Variants in MRPL18 observed in about 807,000 individuals in gnomAD.
The protein encoded by MRPL18 is mitochondrial ribosomal protein L18, also known as large ribosomal subunit protein uL18m.
In MRPL18, 16 loss-of-function variants were observed where a neutral mutation model predicts 20.9. The ratio of observed to expected loss-of-function variants is 0.76; its 90% confidence interval spans 0.52 to 1.16. The LOEUF is 1.16. Among genes scored for constraint, MRPL18 ranks in the 50% most tolerant of loss-of-function variants. The pLI, the probability that MRPL18 is intolerant of heterozygous loss-of-function variation, is 0.00. For missense variants in MRPL18, 233 were observed against 230.6 expected, an observed-to-expected ratio of 1.01 and a Z score of -0.07; for synonymous variants, 91 against 87.1, an observed-to-expected ratio of 1.04 and a Z score of -0.25.
rs765254384 is a variant in MRPL18 at position 159,790,557 on chromosome 6, G to C, written c.-31G>C. 2 of 1,614,118 alleles carry C rather than the reference G, an allele frequency of 1.2e-6. No individual in the cohort carries two copies. Among genetic ancestry groups the C allele is most frequent in the Non-Finnish European group, 1.7e-6 (2 of 1,180,018 alleles). ...CGACTGAGTCGTCCGTGAGGAAAAA[G>C]AGGCGAGGCTTTTCCGAGATCGTCT... On this transcript the variant is annotated 5_prime_UTR_variant, in exon 1 of 4. Coordinates refer to ENST00000367034, the MANE Select transcript of MRPL18 (RefSeq NM_014161.5).
upstream of MRPL18, chr6:159,789,822 G>T: frequency 2.8e-6 from 1 of 356,612 alleles, no homozygotes. Flanking sequence ...GCTGGGAAGA[G>T]GTTGAACCTT....
At chr6:159,797,160 A>C in intron 2 of MRPL18, 127 bp from the exon 3 acceptor site, 3 of 882,092 alleles carry the variant, frequency 3.4e-6, no homozygotes, top group Non-Finnish European at 5.1e-6. Context: ...ATCCAAGTTA[A>C]ATATGTTGAA....
intron 2 of MRPL18, among the ~76,000 whole-genome samples, 196 bp downstream of exon 2, chr6:159,791,322 G>T (rs561384204): frequency 5.4e-4 from 83 of 152,312 alleles, no homozygotes; most frequent in African/African-American, 2.0e-3. Flanking sequence ...CAGGATACCT[G>T]CCTGTCTGAG....
upstream of MRPL18, among the ~76,000 whole-genome samples, chr6:159,790,307 C>A (rs2273827): frequency 0.69 from 105,164 of 151,902 alleles, 37,567 homozygotes; most frequent in South Asian, 0.79. Flanking sequence ...ACTTAAGCAA[C>A]AAGCGTGGTC....
At chr6:159,790,694 A>T in intron 1 of MRPL18, 55 bp downstream of exon 1, 2 of 1,601,760 alleles carry the variant, frequency 1.2e-6, no homozygotes, top group Non-Finnish European at 1.7e-6. Flanking sequence ...TGCACAGTAC[A>T]TTGGAACGTG....
At chr6:159,794,098 A>G (rs1472148276) in intron 2 of MRPL18, among the ~76,000 whole-genome samples, 2 of 152,254 alleles carry the variant, frequency 1.3e-5, no homozygotes, top group African/African-American at 2.4e-5. Flanking sequence ...CGTATGTTAT[A>G]AAATCCAAAG....
intron 2 of MRPL18, among the ~76,000 whole-genome samples, chr6:159,796,472 C>G (rs1781031751): frequency 6.7e-6 from 1 of 149,364 alleles, no homozygotes; most frequent in African/African-American, 2.5e-5. Context: ...AGAGGCAGAC[C>G]CTGTCTCAAA....
Position 159,793,835 on chromosome 6 carries a change from C to T in MRPL18, c.239+2709C>T, listed in dbSNP as rs377275249. Among the ~76,000 whole-genome samples, 51 of 152,018 alleles carry T rather than the reference C, an allele frequency of 3.4e-4. No homozygotes were observed. The East Asian group carries it at 7.9e-3, about 24-fold the overall frequency. On this transcript the variant is annotated intron_variant, in intron 2 of 3. Transcript: ENST00000367034. The stretch of plus-strand genomic sequence containing the variant: ...GCTGAGACAGGAGAGTGGCGTGAAC[C>T]TGGGAGGCGGAGCTTGCAGTGAGCC...
At chr6:159,790,874 G>C in intron 1 of MRPL18, 66 bp from the exon 2 acceptor site, 5 of 1,579,754 alleles carry the variant, frequency 3.2e-6, no homozygotes, top group South Asian at 1.1e-5. Flanking sequence ...ATAGACGTTA[G>C]AGCGGGTTCG....
intron 3 of MRPL18, 54 bp from the exon 4 acceptor site, chr6:159,797,998 C>T (rs1207683621): frequency 1.4e-6 from 2 of 1,417,814 alleles, no homozygotes; most frequent in African/African-American, 1.4e-5. Flanking sequence ...TATTTTCAGC[C>T]TACTCGTGCT....
At chr6:159,795,291 G>C (rs1390244511) in intron 2 of MRPL18, among the ~76,000 whole-genome samples, 3 of 152,192 alleles carry the variant, frequency 2.0e-5, no homozygotes, top group Non-Finnish European at 2.9e-5. Flanking sequence ...CGGGTGTCAG[G>C]CTGGGGGACG....
At chr6:159,794,580 T>C (rs924757404) in intron 2 of MRPL18, among the ~76,000 whole-genome samples, 7 of 152,234 alleles carry the variant, frequency 4.6e-5, no homozygotes, top group African/African-American at 1.7e-4. Flanking sequence ...AACTCGCTCC[T>C]AGAGGGTGAT....
intron 2 of MRPL18, 58 bp from the exon 3 acceptor site, chr6:159,797,229 A>T: frequency 6.9e-7 from 1 of 1,443,064 alleles, no homozygotes; most frequent in Non-Finnish European, 9.7e-7. Context: ...CACCTCAATT[A>T]ATGTAACTTT....
intron 1 of MRPL18, 36 bp from the exon 2 acceptor site, chr6:159,790,904 A>C (rs892483587): frequency 6.2e-7 from 1 of 1,611,746 alleles, no homozygotes; most frequent in East Asian, 2.2e-5. Flanking sequence ...CATATCCGTC[A>C]TTTTTAAGCC....
intron 2 of MRPL18, among the ~76,000 whole-genome samples, chr6:159,793,257 A>C (rs1163834821): frequency 1.3e-5 from 2 of 152,224 alleles, no homozygotes; most frequent in African/African-American, 4.8e-5. Flanking sequence ...GTAGGAAATG[A>C]CCTTTGACAT....
intron 1 of MRPL18, 139 bp from the exon 2 acceptor site, chr6:159,790,801 C>A (rs527624130): frequency 1.5e-5 from 21 of 1,371,622 alleles, no homozygotes; most frequent in Middle Eastern, 2.0e-4. Flanking sequence ...AGTGCTGACT[C>A]CACCCTGTGG....
chr6:159,790,879 G>A, intron 1 of MRPL18, 61 bp from the exon 2 acceptor site: 2 of 1,588,786 alleles, frequency 1.3e-6, no homozygotes, highest in Admixed American at 3.5e-5. Context: ...CGTTAGAGCG[G>A]GTTCGTGCGC....
intron 2 of MRPL18, among the ~76,000 whole-genome samples, chr6:159,793,773 G>T (rs572967885): frequency 5.9e-5 from 9 of 152,224 alleles, no homozygotes; most frequent in African/African-American, 2.2e-4. Flanking sequence ...TTAGCCAGGC[G>T]TGGTGGCAGG....
Position 159,796,266 on chromosome 6 carries a change from G to A in MRPL18, c.240-1021G>A, listed in dbSNP as rs80328488. Among the ~76,000 whole-genome samples the A allele has an allele frequency of 7.7e-3, 1,168 of 151,650 alleles. 14 individuals are homozygous for A. Among genetic ancestry groups the A allele is most frequent in the African/African-American group, 0.026 (1,069 of 41,320 alleles). ...AGGCTGAGGTGGGTAGACTGCTTGA[G>A]CTTAGGAGTTTGAGACGAGCCTGGG... On this transcript the variant is annotated intron_variant, in intron 2 of 3. Transcript: ENST00000367034.
Sources: gnomAD v4.1 joint callset for allele counts (sites outside exome capture counted in the v4.1 genomes callset) on GRCh38, gnomAD v4.1.1 for gene constraint, MANE v1.5 for transcripts, NCBI Gene and HGNC (gene_info 2026-07-23, HGNC 2026-07-21) for gene names.